RCOR3: variants seen among roughly 807,000 people sequenced by gnomAD.
RCOR3 encodes REST corepressor 3.
In RCOR3, 13 loss-of-function variants were observed where a neutral mutation model predicts 64.1. The observed-to-expected ratio is 0.20, with a 90% CI of 0.13 to 0.32. RCOR3 has a LOEUF of 0.32. Ranked by LOEUF, RCOR3 falls within the 10% of genes least tolerant of loss-of-function variation. The pLI, the probability that RCOR3 is intolerant of heterozygous loss-of-function variation, is 1.00. For missense variants in RCOR3, 489 were observed against 701.2 expected (o/e 0.70, Z 3.42); for synonymous variants, 215 against 239.0 (o/e 0.90, Z 0.93).
At position 211,259,456 on chromosome 1, in the gene RCOR3, T is replaced by G; in HGVS notation, c.-105T>G. ...TCCTCCTCCTCCGCCGCCGCCGCCG[T>G]CTCCTCCTCCTCCTCCTTTCCCTCC... On this transcript the variant is annotated 5_prime_UTR_variant, in exon 1 of 12. Coordinates refer to ENST00000419091, the MANE Select transcript of RCOR3 (RefSeq NM_001136223.3). 8.9e-7 allele frequency: 1 copy of G among 1,122,440 alleles called. No homozygotes were observed. The highest frequency in any genetic ancestry group is 1.2e-6 in the Non-Finnish European group (1 of 811,146). The allele number at this position is 1,122,440 out of a possible 1,614,324, so 69.5% of individuals were successfully genotyped here.
rs777468160 is a variant in RCOR3 at position 211,276,249 on chromosome 1, C to T, written c.355-8C>T. ...TTAAAACCAAAGGGGAATGATTTCT[C>T]TTCAAAGGCACTTGGCATGTTGTTC... On this transcript the variant is annotated splice_polypyrimidine_tract_variant and splice_region_variant and intron_variant, in intron 4 of 11. Coordinates refer to ENST00000419091, the MANE Select transcript of RCOR3 (RefSeq NM_001136223.3). The T allele has an allele frequency of 3.1e-6, 5 of 1,609,836 alleles. No individual in the cohort carries two copies. The highest frequency in any genetic ancestry group is 3.4e-6 in the Non-Finnish European group (4 of 1,177,954).
chr1:211,302,781 T>C (rs1197686061), intron 9 of RCOR3: 1 of 152,198 alleles, frequency 6.6e-6, no homozygotes, highest in African/African-American at 2.4e-5. Context: ...TAGCATCAGA[T>C]TGCCTGTGCA....
At chr1:211,289,463 T>G in intron 8 of RCOR3, 67 bp downstream of exon 8, 2 of 1,263,802 alleles carry the variant, frequency 1.6e-6, no homozygotes, top group Non-Finnish European at 2.2e-6. Context: ...ACCTTTTACC[T>G]AGGTTGAGCT....
chr1:211,261,642 C>T (rs1044217656), intron 2 of RCOR3, among the ~76,000 whole-genome samples: 1 of 152,140 alleles, frequency 6.6e-6, no homozygotes, highest in African/African-American at 2.4e-5. Context: ...TGAATTCACG[C>T]CAGGCGCGGT....
At chr1:211,261,940 A>C (rs546493832) in intron 2 of RCOR3, among the ~76,000 whole-genome samples, 1 of 148,434 alleles carries the variant, frequency 6.7e-6, no homozygotes, top group African/African-American at 2.5e-5. Context: ...AAAAAAAAAA[A>C]ACTGAATTCA....
chr1:211,305,116 G>A (rs145973190), intron 10 of RCOR3, among the ~76,000 whole-genome samples: 1,955 of 152,252 alleles, frequency 0.013, 18 homozygotes, highest in Non-Finnish European at 0.019. Flanking sequence ...CCGATTGATC[G>A]ACTGATGGAT....
chr1:211,268,976 T>C (rs1029773379), intron 2 of RCOR3, among the ~76,000 whole-genome samples: 3 of 152,302 alleles, frequency 2.0e-5, no homozygotes, highest in Non-Finnish European at 4.4e-5. Flanking sequence ...TTTAATGATA[T>C]TATATTATTG....
intron 8 of RCOR3, among the ~76,000 whole-genome samples, chr1:211,291,071 C>T (rs371878116): frequency 2.0e-4 from 31 of 151,858 alleles, no homozygotes; most frequent in African/African-American, 6.0e-4. Context: ...TCCCTTAATC[C>T]GTAGTTTCAC....
intron 5 of RCOR3, among the ~76,000 whole-genome samples, chr1:211,277,874 T>C (rs529496683): frequency 1.3e-5 from 2 of 152,194 alleles, no homozygotes. Context: ...GGGGACATTC[T>C]CACCAGATTA....
chr1:211,259,616 A>C lies in RCOR3; in HGVS notation c.56A>C (p.Asn19Thr), dbSNP rs780946230. ...PELLGKNRSA[N>T]GSAKSPAGGG... ...TTACTGGGGAAGAACCGATCGGCCA[A>C]CGGCAGCGCCAAGAGCCCGGCAGGC... The change falls in exon 1 of 12, where the codon AAC (asparagine) becomes ACC (threonine). Residue 19 changes from asparagine to threonine, a missense_variant. Asn to Thr is a moderately conservative substitution (Grantham distance 65). Around this residue, in one of 2 missense-constraint regions of RCOR3, gnomAD observed 87 missense variants for 84.3 expected, o/e 1.03. Transcript: ENST00000419091. The C allele has an allele frequency of 6.5e-6, 10 of 1,547,670 alleles. No homozygotes were observed. The South Asian group carries it at 1.2e-4, about 18-fold the overall frequency.
chr1:211,261,298 C>G (rs1229107020), intron 2 of RCOR3: 1 of 150,464 alleles, frequency 6.6e-6, no homozygotes, highest in Non-Finnish European at 1.5e-5. Flanking sequence ...ATGATATTTA[C>G]CAACCATTTG....
chr1:211,282,779 G>A (rs941029693), intron 7 of RCOR3, among the ~76,000 whole-genome samples: 3 of 152,160 alleles, frequency 2.0e-5, no homozygotes, highest in East Asian at 1.9e-4. Context: ...GATTACAGGC[G>A]TGAGCCACCG....
Position 211,312,743 on chromosome 1 carries a change from T to G in RCOR3, c.1099T>G (p.Phe367Val). The G allele has an allele frequency of 6.2e-7, 1 of 1,614,194 alleles. No individual in the cohort carries two copies. Among genetic ancestry groups the G allele is most frequent in the Non-Finnish European group, 8.5e-7 (1 of 1,180,020 alleles). ...AGGTGTCCGCAAATATGGTAAAGAT[T>G]TTCAAGCTATTGCAGATGTAATTGG... is the stretch of plus-strand genomic sequence containing the variant. ...VQGVRKYGKDFQAIADVIGNK... is the reference protein window; with the variant it reads ...VQGVRKYGKDVQAIADVIGNK... The change falls in exon 11 of 12, where the codon TTT becomes GTT. Residue 367 changes from phenylalanine to valine, a missense_variant. Phe to Val is a conservative substitution (Grantham distance 50). Transcript: ENST00000419091. This position sits in a 1 kb window ranked among gnomAD's most constrained non-coding sequence, Gnocchi z 5.0.
chr1:211,310,493 A>G (rs1701365698), intron 10 of RCOR3, among the ~76,000 whole-genome samples: 1 of 152,226 alleles, frequency 6.6e-6, no homozygotes, highest in African/African-American at 2.4e-5. Context: ...TAAGCATATT[A>G]TAGTTAATTA....
At chr1:211,266,620 T>C (rs1256812500) in intron 2 of RCOR3, among the ~76,000 whole-genome samples, 1 of 152,176 alleles carries the variant, frequency 6.6e-6, no homozygotes, top group Non-Finnish European at 1.5e-5. Flanking sequence ...TTCTAAGGCA[T>C]GGTTGTTTTG....
At chr1:211,277,350 G>C (rs147687029) in intron 5 of RCOR3, among the ~76,000 whole-genome samples, 1,838 of 151,932 alleles carry the variant, frequency 0.012, 14 homozygotes, top group Middle Eastern at 0.072. Flanking sequence ...GAACATTTTT[G>C]GTGGGGAAGT....
chr1:211,291,792 A>G (rs912952763), intron 8 of RCOR3, among the ~76,000 whole-genome samples: 1 of 152,132 alleles, frequency 6.6e-6, no homozygotes, highest in Non-Finnish European at 1.5e-5. Context: ...TCTGCCCCGT[A>G]TGGTATTCCA....
chr1:211,306,967 G>A (rs889456264), intron 10 of RCOR3, among the ~76,000 whole-genome samples: 10 of 152,026 alleles, frequency 6.6e-5, no homozygotes, highest in Non-Finnish European at 1.2e-4. Flanking sequence ...GCCAGGAAAG[G>A]TATTTCTACA....
chr1:211,299,205 A>G (rs1247976490), intron 9 of RCOR3, among the ~76,000 whole-genome samples: 5 of 152,194 alleles, frequency 3.3e-5, no homozygotes, highest in South Asian at 2.1e-4. Flanking sequence ...TAAGTCGTCA[A>G]TGATAAAGGG....
Sources: allele counts gnomAD v4.1 joint callset (sites outside exome capture counted in the v4.1 genomes callset), GRCh38; gene constraint gnomAD v4.1.1; regional missense constraint gnomAD v4.1.1; non-coding constraint Gnocchi (gnomAD v3.1); transcripts MANE v1.5; gene names NCBI Gene and HGNC (gene_info 2026-07-23, HGNC 2026-07-21).